WNK3: variants seen among roughly 807,000 people sequenced by gnomAD.
WNK3 encodes the protein WNK lysine deficient protein kinase 3, also known as serine/threonine-protein kinase WNK3.
Under a neutral mutation model 116.7 loss-of-function variants are expected in WNK3, and 18 were observed. The ratio of observed to expected loss-of-function variants is 0.15; its 90% CI spans 0.11 to 0.23. The LOEUF is 0.23. Among genes scored for constraint, WNK3 ranks in the 10% least tolerant of loss-of-function variants. The pLI is 1.00. For missense variants in WNK3, 993 were observed against 1,323.8 expected, an observed-to-expected ratio of 0.75 and a Z score of 3.88; for synonymous variants, 404 against 469.4, an observed-to-expected ratio of 0.86 and a Z score of 1.80.
chrX:54,251,928 G>T (rs1352027744), intron 13 of WNK3, among the ~76,000 whole-genome samples: 2 of 108,828 alleles, frequency 1.8e-5, no homozygotes, highest in Non-Finnish European at 3.8e-5. Flanking sequence ...AACTGGGTAT[G>T]ATGGCGGGTG....
intron 22 of WNK3, among the ~76,000 whole-genome samples, chrX:54,211,803 G>A (rs1455307282): frequency 9.1e-6 from 1 of 109,756 alleles, no homozygotes; most frequent in Non-Finnish European, 1.9e-5. Flanking sequence ...ACGAGACTCT[G>A]CCTCAAAAAA....
chrX:54,255,178 T>C (rs781843442), intron 12 of WNK3, among the ~76,000 whole-genome samples: 12 of 111,055 alleles, frequency 1.1e-4, no homozygotes, highest in Admixed American at 5.8e-4. Flanking sequence ...CGGGGTTTTA[T>C]CATATTGGTC....
intron 22 of WNK3, among the ~76,000 whole-genome samples, chrX:54,203,193 G>T (rs1197835566): frequency 8.9e-6 from 1 of 112,162 alleles, no homozygotes; most frequent in Non-Finnish European, 1.9e-5. Flanking sequence ...ATAAATGAAA[G>T]AAATCAATTA....
rs782669987 is a variant in WNK3 at position 54,225,189 on chromosome X, T to C, written c.4870+3525A>G. On this transcript the variant is annotated intron_variant, in intron 22 of 23. Coordinates refer to ENST00000354646, the Ensembl canonical transcript of WNK3. ...TTGAGTGAGACCAGGAGGTTGAGGC[T>C]GCAGTGAACAATGATCATGCCACTA... is the stretch of plus-strand genomic sequence containing the variant. Among the ~76,000 whole-genome samples, 4 of 108,870 alleles carry C rather than the reference T, an allele frequency of 3.7e-5. No individual in the cohort carries two copies. In the South Asian group the frequency reaches 1.2e-3, roughly 34 times the overall value. 94.5% of individuals were successfully genotyped at this position (108,870 alleles called of 115,157 possible). A position where few individuals can be genotyped will look rare whatever the true frequency, so the allele number is the denominator to read the frequency against.
At chrX:54,193,373 C>T (rs1557139381) in exon 24 of WNK3, 1 of 110,979 alleles carries the variant, frequency 9.0e-6, no homozygotes, top group East Asian at 2.8e-4. Flanking sequence ...TCTTAAGTTA[C>T]AGTGGAAAAG....
At chrX:54,249,607 A>G (rs2091975781) in exon 17 of WNK3, 4 of 1,207,511 alleles carry the variant, frequency 3.3e-6, no homozygotes, top group Middle Eastern at 2.3e-4. Flanking sequence ...GTCCCGTGAT[A>G]TTTCCTTATT....
At chrX:54,343,834 T>C (rs1293139059) in intron 1 of WNK3, among the ~76,000 whole-genome samples, 10 of 109,236 alleles carry the variant, frequency 9.2e-5, no homozygotes, top group Non-Finnish European at 1.9e-4. Flanking sequence ...TAATTTTTAA[T>C]TTTTTTTGTA....
At chrX:54,295,186 G>A (rs782820498) in intron 7 of WNK3, among the ~76,000 whole-genome samples, 4 of 108,653 alleles carry the variant, frequency 3.7e-5, no homozygotes, top group African/African-American at 6.7e-5. Context: ...ATGAGCCACC[G>A]CGCCCGGCCA....
Position 54,309,080 on chromosome X carries a change from T to C in WNK3, c.931+15A>G, listed in dbSNP as rs781960790. 8 of 1,194,417 alleles carry C rather than the reference T, an allele frequency of 6.7e-6. No homozygotes were observed. In the South Asian group the frequency reaches 1.4e-4, roughly 21 times the overall value. ...CTCTCTTTACCCAACCAGTAAACTG[T>C]AAAACTTTAATCACCAATGACACTC... On this transcript the variant is annotated intron_variant, in intron 4 of 23. Transcript: ENST00000354646.
chrX:54,224,620 A>G (rs1451425077), intron 22 of WNK3, among the ~76,000 whole-genome samples: 1 of 107,357 alleles, frequency 9.3e-6, no homozygotes, highest in Non-Finnish European at 1.9e-5. Flanking sequence ...CCCAGGCTGG[A>G]GTGCAGTGGC....
At chrX:54,198,910 T>C (rs2067475125) in intron 23 of WNK3, among the ~76,000 whole-genome samples, 1 of 111,167 alleles carries the variant, frequency 9.0e-6, no homozygotes, top group African/African-American at 3.3e-5. Context: ...TTTATAGTTA[T>C]TTCCATGCAT....
intron 23 of WNK3, 64 bp from the exon 24 acceptor site, chrX:54,198,717 ATT>A: frequency 1.2e-6 from 1 of 817,079 alleles, no homozygotes; most frequent in Non-Finnish European, 1.7e-6. Context: ...ATCAGTCTAT[ATT>A]CCTTCCTATT....
intron 2 of WNK3, among the ~76,000 whole-genome samples, chrX:54,318,480 C>T (rs2068989096): frequency 1.8e-5 from 2 of 110,239 alleles, no homozygotes; most frequent in Admixed American, 2.0e-4. Flanking sequence ...ATCTGTAATC[C>T]CAGTACTTAG....
At chrX:54,213,565 C>CAAA (rs782750356) in intron 22 of WNK3, among the ~76,000 whole-genome samples, 1 of 25,357 alleles carries the variant, frequency 3.9e-5, no homozygotes, top group Non-Finnish European at 8.6e-5. Context: ...AAAAAAAAAA[C>CAAA]AAACAAAAAA....
At position 54,340,548 on chromosome X, in the gene WNK3, T is replaced by C. The variant is rs782549626; in HGVS notation, c.-119-6756A>G. On this transcript the variant is annotated intron_variant, in intron 1 of 23. Transcript: ENST00000354646. The stretch of plus-strand genomic sequence containing the variant: ...ATCGCTTGAGCCTGGGAGGTGGAGA[T>C]TGCAGTAAGCTGAGATCGCACCACT... 8.2e-5 allele frequency among the ~76,000 whole-genome samples: 9 copies of C among 110,012 alleles called. No individual in the cohort carries two copies. In the East Asian group the frequency reaches 2.6e-3, roughly 31 times the overall value.
At position 54,275,412 on chromosome X, in the gene WNK3, C is replaced by CGTGTGTGTGTGT. The variant is rs1569537519; in HGVS notation, c.2038-16075_2038-16074insACACACACACAC. ...TGTCGGTATCTGTAGGGTATAAGTT[C>CGTGTGTGTGTGT]ATATGTGTGTGTGTGTGTGTGTGTG... On this transcript the variant is annotated intron_variant, in intron 10 of 23. Transcript: ENST00000354646. 2.7e-4 allele frequency among the ~76,000 whole-genome samples: 12 copies of CGTGTGTGTGTGT among 44,441 alleles called. 1 individual carries two copies. The highest frequency in any genetic ancestry group is 1.0e-3 in the African/African-American group (11 of 10,999). The allele number at this position is 44,441 out of a possible 115,157, so 38.6% of individuals were successfully genotyped here.
chrX:54,306,280 A>G (rs782251797), intron 5 of WNK3, among the ~76,000 whole-genome samples: 4 of 111,395 alleles, frequency 3.6e-5, no homozygotes, highest in Non-Finnish European at 7.5e-5. Context: ...CTACCATAGC[A>G]ATTCTACTTC....
At chrX:54,347,982 C>T (rs953376286) in intron 1 of WNK3, among the ~76,000 whole-genome samples, 3 of 110,513 alleles carry the variant, frequency 2.7e-5, no homozygotes, top group Non-Finnish European at 5.7e-5. Flanking sequence ...AAAAGGAACA[C>T]AGTACACACC....
intron 11 of WNK3, among the ~76,000 whole-genome samples, chrX:54,256,139 A>G (rs942149230): frequency 8.9e-6 from 1 of 111,970 alleles, no homozygotes; most frequent in African/African-American, 3.2e-5. Context: ...TCAAGGTCAC[A>G]CTGTATTTAT....
Sources: gnomAD v4.1 joint callset for allele counts (sites outside exome capture counted in the v4.1 genomes callset) on GRCh38, gnomAD v4.1.1 for gene constraint, MANE v1.5 for transcripts, NCBI Gene and HGNC (gene_info 2026-07-23, HGNC 2026-07-21) for gene names.